The following TLN2 variants were observed in gnomAD, a reference collection of about 807,000 sequenced individuals.
TLN2 encodes talin 2, also known as talin-2.
TLN2 carries 118 observed loss-of-function variants against 294.7 expected under a neutral mutation model. The observed-to-expected ratio is 0.40, with a 90% CI of 0.34 to 0.47. The LOEUF (loss-of-function observed/expected upper bound fraction) is 0.47. Among genes scored for constraint, TLN2 ranks in the 20% least tolerant of loss-of-function variants. The pLI is 0.84. For missense variants in TLN2, 3,083 were observed against 3,282.2 expected, an observed-to-expected ratio of 0.94 and a Z score of 1.48; for synonymous variants, 1,431 against 1,304.5, an observed-to-expected ratio of 1.10 and a Z score of -2.09.
intron 19 of TLN2, among the ~76,000 whole-genome samples, chr15:62,706,858 T>C (rs1302458444): frequency 6.6e-6 from 1 of 152,220 alleles, no homozygotes; most frequent in Non-Finnish European, 1.5e-5. Flanking sequence ...TTAACTATTT[T>C]AGATTTAAAC....
intron 1 of TLN2, among the ~76,000 whole-genome samples, chr15:62,574,302 C>A (rs578167599): frequency 6.6e-6 from 1 of 151,644 alleles, no homozygotes. Context: ...ATTAGCCAGG[C>A]GCGGTGGCTC....
intron 13 of TLN2, among the ~76,000 whole-genome samples, chr15:62,693,992 A>G (rs1457245808): frequency 9.4e-6 from 1 of 106,122 alleles, no homozygotes; most frequent in African/African-American, 5.7e-5. Context: ...TTTTTGAGAC[A>G]GAGTCTCCCT....
At chr15:62,814,179 C>T (rs2066901323) in intron 52 of TLN2, among the ~76,000 whole-genome samples, 1 of 152,060 alleles carries the variant, frequency 6.6e-6, no homozygotes, top group African/African-American at 2.4e-5. Flanking sequence ...CTTGAGAAAA[C>T]ATGAACCAGT....
chr15:62,573,989 A>G (rs999482769), intron 1 of TLN2, among the ~76,000 whole-genome samples: 7 of 152,064 alleles, frequency 4.6e-5, no homozygotes, highest in Non-Finnish European at 2.9e-5. Context: ...CGGGGAAAAG[A>G]TGCAGCCCTT....
intron 1 of TLN2, among the ~76,000 whole-genome samples, chr15:62,484,499 C>T (rs967782447): frequency 5.9e-5 from 9 of 151,978 alleles, no homozygotes; most frequent in African/African-American, 9.7e-5. Flanking sequence ...GATCTCGGCT[C>T]ACTGCAACCT....
chr15:62,576,273 A>T (rs865815102), intron 1 of TLN2, among the ~76,000 whole-genome samples: 21 of 127,464 alleles, frequency 1.6e-4, no homozygotes, highest in African/African-American at 3.7e-4. Context: ...CAAAAAAAAA[A>T]AAATAAATAA....
intron 1 of TLN2, among the ~76,000 whole-genome samples, chr15:62,518,195 C>A (rs11071672): frequency 0.12 from 17,770 of 152,074 alleles, 1,748 homozygotes; most frequent in East Asian, 0.49. Flanking sequence ...TGCGTCACCA[C>A]GTCCCGCTAG....
At chr15:62,649,912 C>T in intron 4 of TLN2, 172 bp from the exon 5 acceptor site, 1 of 595,494 alleles carries the variant, frequency 1.7e-6, no homozygotes, top group South Asian at 2.1e-5. Flanking sequence ...AACTCTTACT[C>T]CTCCAGATCT....
At chr15:62,493,724 C>T (rs988621753) in intron 1 of TLN2, among the ~76,000 whole-genome samples, 28 of 151,978 alleles carry the variant, frequency 1.8e-4, no homozygotes, top group Non-Finnish European at 3.7e-4. Flanking sequence ...GATTCTCCTG[C>T]CTTAGCCTCC....
At chr15:62,800,521 G>A in intron 49 of TLN2, 28 bp downstream of exon 49, 1 of 1,612,874 alleles carries the variant, frequency 6.2e-7, no homozygotes, top group Middle Eastern at 1.7e-4. Flanking sequence ...CTGGGGATGA[G>A]CACCTGAGTT....
chr15:62,485,016 T>C (rs903285532), intron 1 of TLN2, among the ~76,000 whole-genome samples: 1 of 152,202 alleles, frequency 6.6e-6, no homozygotes, highest in Non-Finnish European at 1.5e-5. Flanking sequence ...TTACAGCTTC[T>C]AGCGGCAGCC....
chr15:62,697,289 TG>T (rs2058410002), intron 14 of TLN2, among the ~76,000 whole-genome samples: 1 of 152,156 alleles, frequency 6.6e-6, no homozygotes, highest in African/African-American at 2.4e-5. Flanking sequence ...TTGAATTTTT[TG>T]TAGAGACGAG....
In TLN2 at chr15:62,722,344, T is replaced by A; in HGVS notation, c.2992-9T>A. 6.3e-7 allele frequency: 1 copy of A among 1,598,108 alleles called. No homozygotes were observed. Among genetic ancestry groups the A allele is most frequent in the Non-Finnish European group, 8.6e-7 (1 of 1,168,358 alleles). ...GGAGCCATCTTACTTTCTTTTCATCTCTCTATAGCCTGGAAGCAAGATGGT... is the reference window on the plus strand; with the variant it reads ...GGAGCCATCTTACTTTCTTTTCATCACTCTATAGCCTGGAAGCAAGATGGT... On this transcript the variant is annotated splice_polypyrimidine_tract_variant and intron_variant, in intron 25 of 58. Transcript: ENST00000636159.
Position 62,711,817 on chromosome 15 carries a change from C to T in TLN2, c.2468-94C>T, listed in dbSNP as rs1402174738. 2.1e-6 allele frequency: 3 copies of T among 1,397,876 alleles called. No individual in the cohort carries two copies. In the African/African-American group the frequency reaches 4.3e-5, roughly 20 times the overall value. 86.6% of individuals were successfully genotyped at this position (1,397,876 alleles called of 1,614,324 possible). A position where few individuals can be genotyped will look rare whatever the true frequency, so the allele number is the denominator to read the frequency against. On this transcript the variant is annotated intron_variant, in intron 21 of 58. Coordinates refer to ENST00000636159, the MANE Select transcript of TLN2 (RefSeq NM_015059.3). ...GTTCAGTTTTTTTGCTCCTGCTTAC[C>T]AGAGGAGTAGAGACAAGACTGTAGT...
intron 54 of TLN2, 177 bp from the exon 55 acceptor site, chr15:62,833,327 T>G (rs1334151952): frequency 3.2e-6 from 3 of 950,332 alleles, no homozygotes; most frequent in Non-Finnish European, 4.6e-6. Context: ...TCCTGAAAGT[T>G]TGCACAGGGG....
chr15:62,670,562 T>C (rs2055278197), intron 9 of TLN2, among the ~76,000 whole-genome samples: 1 of 152,208 alleles, frequency 6.6e-6, no homozygotes, highest in South Asian at 2.1e-4. Flanking sequence ...TCTCTTTTTT[T>C]CTTATTAGTG....
intron 1 of TLN2, among the ~76,000 whole-genome samples, chr15:62,517,752 A>G (rs1255144402): frequency 6.6e-6 from 1 of 152,210 alleles, no homozygotes; most frequent in African/African-American, 2.4e-5. Context: ...ATTCTAAGGA[A>G]CATACTGATT....
At chr15:62,826,662 G>C (rs1035716652) in intron 54 of TLN2, among the ~76,000 whole-genome samples, 2 of 152,078 alleles carry the variant, frequency 1.3e-5, no homozygotes, top group Non-Finnish European at 2.9e-5. Flanking sequence ...CTCCCTCAAG[G>C]CACCTCTCAG....
intron 1 of TLN2, among the ~76,000 whole-genome samples, chr15:62,474,911 A>G (rs1486790214): frequency 6.6e-6 from 1 of 152,112 alleles, no homozygotes; most frequent in East Asian, 1.9e-4. Context: ...AGTAACTAGA[A>G]TGCTAATGGA....
Sources: allele counts gnomAD v4.1 joint callset (sites outside exome capture counted in the v4.1 genomes callset), GRCh38; gene constraint gnomAD v4.1.1; transcripts MANE v1.5; gene names NCBI Gene and HGNC (gene_info 2026-07-23, HGNC 2026-07-21).